The following CUX2 variants were observed in gnomAD, a reference collection of about 807,000 sequenced individuals.
CUX2 encodes the protein cut like homeobox 2, also known as homeobox protein cut-like 2.
Under a neutral mutation model 144.8 loss-of-function variants are expected in CUX2, and 40 were observed. The observed-to-expected ratio is 0.28, with a 90% CI of 0.21 to 0.36. CUX2 has a LOEUF of 0.36. CUX2 is among the 10% of genes least tolerant of loss of function. CUX2 has a pLI of 1.00. For missense variants in CUX2, 1,615 were observed against 1,994.0 expected (o/e 0.81, Z 3.62); for synonymous variants, 827 against 875.6 (o/e 0.94, Z 0.98).
At chr12:111,115,791 TGTGA>T (rs1874262201) in intron 1 of CUX2, among the ~76,000 whole-genome samples, 2 of 152,202 alleles carry the variant, frequency 1.3e-5, no homozygotes. Context: ...TAATTATTAA[TGTGA>T]GTATCTGTTT....
chr12:111,187,596 G>A (rs1879626234), intron 1 of CUX2, among the ~76,000 whole-genome samples: 1 of 152,190 alleles, frequency 6.6e-6, no homozygotes, highest in Admixed American at 6.5e-5. Flanking sequence ...TGGCCTTGGG[G>A]CCTGCCACCC....
At chr12:111,272,104 T>C (rs1884669667) in intron 4 of CUX2, among the ~76,000 whole-genome samples, 1 of 152,256 alleles carries the variant, frequency 6.6e-6, no homozygotes, top group South Asian at 2.1e-4. Flanking sequence ...TTTTGTGATC[T>C]TAATTTTTAA....
intron 21 of CUX2, among the ~76,000 whole-genome samples, chr12:111,345,463 G>C (rs1189249917): frequency 7.0e-6 from 1 of 143,652 alleles, no homozygotes; most frequent in African/African-American, 2.6e-5. Context: ...AAAAAAAAAG[G>C]CCGGGCACAG....
At chr12:111,134,620 CTGTGTG>C (rs750270262) in intron 1 of CUX2, among the ~76,000 whole-genome samples, 8 of 142,208 alleles carry the variant, frequency 5.6e-5, no homozygotes, top group Middle Eastern at 3.5e-3. Context: ...CTCTCTCTCT[CTGTGTG>C]TGTGTGTGTG....
chr12:111,048,371 C>T (rs960902697), intron 1 of CUX2, among the ~76,000 whole-genome samples: 1 of 152,150 alleles, frequency 6.6e-6, no homozygotes, highest in Non-Finnish European at 1.5e-5. Context: ...GCAAACGTTT[C>T]GAGGACTAGC....
At chr12:111,149,688 GGTT>G (rs1179210839) in intron 1 of CUX2, among the ~76,000 whole-genome samples, 1 of 152,158 alleles carries the variant, frequency 6.6e-6, no homozygotes, top group African/African-American at 2.4e-5. Context: ...AAATCAATCA[GGTT>G]GTGCAAAAGA....
intron 21 of CUX2, among the ~76,000 whole-genome samples, chr12:111,345,526 G>A (rs1486854218): frequency 8.7e-5 from 13 of 149,472 alleles, no homozygotes; most frequent in Admixed American, 7.4e-4. Flanking sequence ...GGTGGGTCAC[G>A]AGGTCAGGAG....
chr12:111,159,482 G>A (rs568016409), intron 1 of CUX2, among the ~76,000 whole-genome samples: 1 of 152,216 alleles, frequency 6.6e-6, no homozygotes, highest in East Asian at 1.9e-4. Flanking sequence ...CTTCCCAAGG[G>A]TTCTGAAGCT....
At chr12:111,049,769 G>A (rs1371015145) in intron 1 of CUX2, among the ~76,000 whole-genome samples, 1 of 152,212 alleles carries the variant, frequency 6.6e-6, no homozygotes. Context: ...ACCAAGCTCT[G>A]TCCTGTAGCA....
At chr12:111,136,722 A>T (rs1875909740) in intron 1 of CUX2, among the ~76,000 whole-genome samples, 1 of 152,198 alleles carries the variant, frequency 6.6e-6, no homozygotes, top group Non-Finnish European at 1.5e-5. Context: ...GTCACCCAGC[A>T]AGTAAGTGGC....
At chr12:111,250,012 T>G (rs1213194627) in intron 3 of CUX2, among the ~76,000 whole-genome samples, 4 of 152,168 alleles carry the variant, frequency 2.6e-5, no homozygotes, top group Non-Finnish European at 5.9e-5. Flanking sequence ...CATGATGTCA[T>G]GTACCCACCA....
chr12:111,125,809 A>C (rs1875023264), intron 1 of CUX2, among the ~76,000 whole-genome samples: 1 of 152,224 alleles, frequency 6.6e-6, no homozygotes, highest in South Asian at 2.1e-4. Context: ...AATGGCTCTG[A>C]GGATTGCCAG....
At chr12:111,201,513 G>A (rs971016137) in intron 1 of CUX2, among the ~76,000 whole-genome samples, 28 of 152,246 alleles carry the variant, frequency 1.8e-4, no homozygotes, top group African/African-American at 6.3e-4. Flanking sequence ...CAGGCCCCAC[G>A]TGCCCTTAGG....
intron 3 of CUX2, among the ~76,000 whole-genome samples, chr12:111,252,688 G>A (rs1040325950): frequency 6.6e-6 from 1 of 151,670 alleles, no homozygotes; most frequent in Non-Finnish European, 1.5e-5. Context: ...AGTCAGTGTT[G>A]GTTTATTGCC....
intron 4 of CUX2, among the ~76,000 whole-genome samples, chr12:111,285,459 C>G (rs182513695): frequency 6.6e-5 from 10 of 152,266 alleles, no homozygotes; most frequent in South Asian, 6.2e-4. Flanking sequence ...GTCTAACGGC[C>G]GAGCCATGAA....
rs1878513772 is a variant in CUX2 at position 111,171,420 on chromosome 12, A to C, written c.64-42780A>C. 6.6e-6 allele frequency among the ~76,000 whole-genome samples: 1 copy of C among 152,160 alleles called. No individual in the cohort carries two copies. Among genetic ancestry groups the C allele is most frequent in the Non-Finnish European group, 1.5e-5 (1 of 68,032 alleles). On this transcript the variant is annotated intron_variant, in intron 1 of 21. Transcript: ENST00000261726. The surrounding 1 kb of genome is among the most constrained non-coding windows in gnomAD (Gnocchi z 5.0). ...GAGACCGGCCAGAAGGACAGACGAG[A>C]GGGGTTTCTTATGCACCAGTGGGAG...
intron 1 of CUX2, among the ~76,000 whole-genome samples, chr12:111,115,469 T>C (rs1380618853): frequency 6.6e-6 from 1 of 151,996 alleles, no homozygotes; most frequent in East Asian, 1.9e-4. Flanking sequence ...GTGTTTTTAG[T>C]AGAGATGGGG....
intron 20 of CUX2, among the ~76,000 whole-genome samples, chr12:111,339,198 C>A (rs1421404786): frequency 6.6e-6 from 1 of 151,944 alleles, no homozygotes; most frequent in Non-Finnish European, 1.5e-5. Context: ...CGCCACTGCA[C>A]TCCACCCTGG....
chr12:111,072,942 G>T (rs2136032184), intron 1 of CUX2, among the ~76,000 whole-genome samples: 1 of 152,274 alleles, frequency 6.6e-6, no homozygotes, highest in Middle Eastern at 3.4e-3. Flanking sequence ...ATTCAATGTG[G>T]CCATTATAGA....
Sources: allele counts gnomAD v4.1 joint callset (sites outside exome capture counted in the v4.1 genomes callset), GRCh38; gene constraint gnomAD v4.1.1; non-coding constraint Gnocchi (gnomAD v3.1); transcripts MANE v1.5; gene names NCBI Gene and HGNC (gene_info 2026-07-23, HGNC 2026-07-21).